Variants in CRYZL1 observed in about 807,000 individuals in gnomAD.
CRYZL1 encodes the protein ferry endosomal RAB5 effector complex subunit 4.
In CRYZL1, 34 loss-of-function variants were observed where a neutral mutation model predicts 50.6. That is an observed-to-expected ratio of 0.67 (90% confidence interval 0.51 to 0.89). CRYZL1 has a LOEUF of 0.89. Among genes scored for constraint, CRYZL1 ranks in the 40% least tolerant of loss-of-function variants. The probability of loss-of-function intolerance (pLI) is 0.00; values close to 1 mark genes in which losing one functional copy is unlikely to be tolerated. For missense variants in CRYZL1, 354 were observed against 402.3 expected (o/e 0.88, Z 1.03); for synonymous variants, 125 against 134.3 (o/e 0.93, Z 0.48).
chr21:33,598,189 T>C (rs1212006862), intron 9 of CRYZL1, among the ~76,000 whole-genome samples: 1 of 152,190 alleles, frequency 6.6e-6, no homozygotes, highest in Non-Finnish European at 1.5e-5. Context: ...TGATTCCCAA[T>C]TAAAAAACTC....
intron 9 of CRYZL1, among the ~76,000 whole-genome samples, chr21:33,597,668 A>AG (rs1366931594): frequency 6.6e-6 from 1 of 151,968 alleles, no homozygotes; most frequent in Admixed American, 6.5e-5. Flanking sequence ...GCTGGAGTGC[A>AG]GTGGCGCGAT....
intron 11 of CRYZL1, among the ~76,000 whole-genome samples, chr21:33,594,008 A>T (rs1050185335): frequency 1.4e-5 from 2 of 147,070 alleles, no homozygotes; most frequent in Non-Finnish European, 3.0e-5. Flanking sequence ...AAAAAAAAAA[A>T]AATCAAAACT....
intron 1 of CRYZL1, among the ~76,000 whole-genome samples, chr21:33,640,396 T>C (rs527804796): frequency 6.6e-6 from 1 of 152,034 alleles, no homozygotes; most frequent in South Asian, 2.1e-4. Context: ...AAGTCATAAC[T>C]GACCCGAGTT....
At chr21:33,631,366 A>G (rs756806791) in intron 2 of CRYZL1, 120 bp downstream of exon 2, 58 of 588,774 alleles carry the variant, frequency 9.9e-5, no homozygotes, top group Admixed American at 8.7e-4. Context: ...CTGTAATTTG[A>G]GGAGTTTCAT....
chr21:33,601,813 T>C (rs1222430640), intron 8 of CRYZL1, among the ~76,000 whole-genome samples: 1 of 150,850 alleles, frequency 6.6e-6, no homozygotes, highest in African/African-American at 2.4e-5. Context: ...GCTACTCAGG[T>C]GGCTGAGGTG....
chr21:33,601,407 T>C (rs1204080219), intron 8 of CRYZL1, among the ~76,000 whole-genome samples: 1 of 152,154 alleles, frequency 6.6e-6, no homozygotes, highest in African/African-American at 2.4e-5. Context: ...TCAAATCTCA[T>C]TCCAGTCCTT....
At chr21:33,626,369 C>T (rs2087063333) in intron 2 of CRYZL1, among the ~76,000 whole-genome samples, 1 of 152,086 alleles carries the variant, frequency 6.6e-6, no homozygotes, top group African/African-American at 2.4e-5. Flanking sequence ...GTAATTGAAC[C>T]TAATTATCCC....
intron 6 of CRYZL1, among the ~76,000 whole-genome samples, chr21:33,611,488 A>T (rs2086872643): frequency 6.6e-6 from 1 of 152,222 alleles, no homozygotes; most frequent in Non-Finnish European, 1.5e-5. Flanking sequence ...ATGAAATGCC[A>T]AAGATTTGGT....
chr21:33,593,210 C>T (rs2086660816), intron 11 of CRYZL1, among the ~76,000 whole-genome samples: 1 of 151,934 alleles, frequency 6.6e-6, no homozygotes, highest in African/African-American at 2.4e-5. Context: ...GGGTTCATGC[C>T]ATTCTCCTGC....
intron 8 of CRYZL1, among the ~76,000 whole-genome samples, chr21:33,600,325 TTAG>T (rs2086737976): frequency 1.3e-5 from 2 of 152,314 alleles, no homozygotes; most frequent in Admixed American, 1.3e-4. Flanking sequence ...TTAAAGGATA[TTAG>T]TAGTATCCTA....
At chr21:33,622,388 T>C (rs1004625546) in intron 3 of CRYZL1, among the ~76,000 whole-genome samples, 4 of 152,212 alleles carry the variant, frequency 2.6e-5, no homozygotes, top group African/African-American at 9.6e-5. Flanking sequence ...CTTGATTGGC[T>C]AAACACTATC....
At chr21:33,593,444 T>C (rs1006857439) in intron 11 of CRYZL1, among the ~76,000 whole-genome samples, 16 of 152,168 alleles carry the variant, frequency 1.1e-4, no homozygotes, top group African/African-American at 3.9e-4. Flanking sequence ...AATATAAATT[T>C]ACTAATTCAC....
chr21:33,624,126 TTA>T (rs747627605), intron 3 of CRYZL1, among the ~76,000 whole-genome samples: 26 of 152,308 alleles, frequency 1.7e-4, no homozygotes, highest in Non-Finnish European at 3.1e-4. Context: ...AATATTTACA[TTA>T]TGTCTGTTTT....
chr21:33,598,849 C>T (rs1134132), intron 9 of CRYZL1, among the ~76,000 whole-genome samples: 2 of 148,554 alleles, frequency 1.3e-5, no homozygotes, highest in African/African-American at 5.0e-5. Context: ...ATTAGTGTTA[C>T]TGTATTTTAT....
At chr21:33,598,847 T>C (rs1053574824) in intron 9 of CRYZL1, among the ~76,000 whole-genome samples, 18 of 151,800 alleles carry the variant, frequency 1.2e-4, no homozygotes, top group Admixed American at 1.1e-3. Context: ...TCATTAGTGT[T>C]ACTGTATTTT....
intron 11 of CRYZL1, chr21:33,591,599 G>A (rs2086643293): frequency 4.9e-6 from 1 of 204,072 alleles, no homozygotes; most frequent in South Asian, 9.4e-5. Flanking sequence ...ATGTACATTC[G>A]TTGACCAGGC....
intron 1 of CRYZL1, among the ~76,000 whole-genome samples, chr21:33,635,613 C>G (rs948892826): frequency 6.6e-6 from 1 of 151,404 alleles, no homozygotes; most frequent in African/African-American, 2.4e-5. Flanking sequence ...CTCGGCCTCC[C>G]AAAGTGCTGG....
At chr21:33,590,520 A>G (rs961333161) in intron 12 of CRYZL1, among the ~76,000 whole-genome samples, 3 of 152,124 alleles carry the variant, frequency 2.0e-5, no homozygotes, top group Non-Finnish European at 2.9e-5. Flanking sequence ...GGTTCAAGCA[A>G]TTCTCCTGCC....
intron 6 of CRYZL1, 89 bp from the exon 7 acceptor site, chr21:33,603,626 T>C (rs2086779635): frequency 7.5e-6 from 11 of 1,469,850 alleles, no homozygotes; most frequent in East Asian, 7.1e-5. Context: ...CTAGTACTAC[T>C]ATGGCCCTGG....
Sources: gnomAD v4.1 joint callset for allele counts (sites outside exome capture counted in the v4.1 genomes callset) on GRCh38, gnomAD v4.1.1 for gene constraint, MANE v1.5 for transcripts, NCBI Gene and HGNC (gene_info 2026-07-23, HGNC 2026-07-21) for gene names.